THSD7B: variants seen among roughly 807,000 people sequenced by gnomAD.
The protein encoded by THSD7B is thrombospondin type 1 domain containing 7B.
In THSD7B, 138 loss-of-function variants were observed where a neutral mutation model predicts 213.6. The observed-to-expected ratio is 0.65, with a 90% CI of 0.56 to 0.74. The LOEUF (loss-of-function observed/expected upper bound fraction) is 0.74. Among genes scored for constraint, THSD7B ranks in the 30% least tolerant of loss-of-function variants. The pLI is 0.00. For synonymous variants in THSD7B, 742 were observed against 687.0 expected, an observed-to-expected ratio of 1.08 and a Z score of -1.25; for missense variants, 1,931 against 1,991.5, an observed-to-expected ratio of 0.97 and a Z score of 0.58.
chr2:137,636,024 G>A (rs1055587464), intron 20 of THSD7B, among the ~76,000 whole-genome samples: 1 of 152,078 alleles, frequency 6.6e-6, no homozygotes, highest in African/African-American at 2.4e-5. Flanking sequence ...CTTTTATACA[G>A]TATTTTTTAT....
In THSD7B at chr2:137,411,652, C is replaced by T. The variant is rs776099234; in HGVS notation, c.2739C>T (p.Tyr913=). Residue 913 remains tyrosine, a synonymous_variant, in exon 14 of 28, where the codon TAC becomes TAT. Coordinates refer to ENST00000409968, the MANE Select transcript of THSD7B (RefSeq NM_001316349.2). Reference sequence around the variant, plus strand: ...AGAAATGCCAGGATTCTGACCTTTACCCTCTAGTGGAGACAGAACTATGTC... The same window carrying T: ...AGAAATGCCAGGATTCTGACCTTTATCCTCTAGTGGAGACAGAACTATGTC... ...KKEKCQDSDL[Y]PLVETELCPC... The T allele has an allele frequency of 5.0e-6, 8 of 1,613,916 alleles. No homozygotes were observed. The highest frequency in any genetic ancestry group is 6.8e-6 in the Non-Finnish European group (8 of 1,179,828).
intron 2 of THSD7B, among the ~76,000 whole-genome samples, chr2:137,019,893 G>A (rs1686411387): frequency 6.6e-6 from 1 of 152,084 alleles, no homozygotes; most frequent in Admixed American, 6.6e-5. Context: ...TTGACTACTG[G>A]CTCTGATAGT....
At chr2:137,386,079 G>A (rs1185010771) in intron 12 of THSD7B, among the ~76,000 whole-genome samples, 1 of 152,152 alleles carries the variant, frequency 6.6e-6, no homozygotes, top group African/African-American at 2.4e-5. Flanking sequence ...GCATGAGCAG[G>A]AAACAAGTCT....
chr2:137,244,563 A>G (rs10207592), intron 10 of THSD7B, among the ~76,000 whole-genome samples: 42,546 of 152,098 alleles, frequency 0.28, 7,145 homozygotes, highest in South Asian at 0.47. Context: ...CATGTAAAGT[A>G]ATTGTTCCTC....
In THSD7B at chr2:136,930,360, A is replaced by G. The variant is rs1232621283; in HGVS notation, c.139+48043A>G. Among the ~76,000 whole-genome samples, 3 of 152,218 alleles carry G rather than the reference A, an allele frequency of 2.0e-5. No homozygotes were observed. The East Asian group carries it at 5.8e-4, about 29-fold the overall frequency. ...CCTAGAGGAGAATAACTGTGGCATGATCAGAGACTGTTAAGTATCCCAGAA... is the reference window on the plus strand; with the variant it reads ...CCTAGAGGAGAATAACTGTGGCATGGTCAGAGACTGTTAAGTATCCCAGAA... On this transcript the variant is annotated intron_variant, in intron 2 of 27. Transcript: ENST00000409968.
At chr2:136,957,917 G>C (rs16837666) in intron 2 of THSD7B, among the ~76,000 whole-genome samples, 11,279 of 152,174 alleles carry the variant, frequency 0.074, 675 homozygotes, top group African/African-American at 0.16. Flanking sequence ...TGCTGCCTAT[G>C]TAAATCAGGA....
chr2:137,232,327 G>C (rs369494544), intron 8 of THSD7B, among the ~76,000 whole-genome samples: 6 of 152,178 alleles, frequency 3.9e-5, no homozygotes, highest in African/African-American at 1.2e-4. Context: ...TATTATTTCA[G>C]AGTTTAAGGA....
At chr2:137,233,257 C>T (rs938725257) in intron 9 of THSD7B, 124 bp downstream of exon 9, 9 of 861,282 alleles carry the variant, frequency 1.0e-5, no homozygotes, top group Non-Finnish European at 1.2e-5. Context: ...TTTGTTGTTG[C>T]TGTTTGACCA....
intron 7 of THSD7B, among the ~76,000 whole-genome samples, chr2:137,202,796 T>G (rs1252180513): frequency 2.6e-5 from 4 of 152,140 alleles, no homozygotes; most frequent in African/African-American, 9.7e-5. Flanking sequence ...ATTACATCTC[T>G]CTGGGATCTC....
chr2:137,174,195 T>A (rs1182890733), intron 7 of THSD7B, among the ~76,000 whole-genome samples: 1 of 152,208 alleles, frequency 6.6e-6, no homozygotes, highest in Non-Finnish European at 1.5e-5. Flanking sequence ...CTTCTAGATA[T>A]CCTGCATATA....
chr2:137,229,603 G>A (rs1681593070), intron 7 of THSD7B, among the ~76,000 whole-genome samples: 1 of 152,148 alleles, frequency 6.6e-6, no homozygotes. Flanking sequence ...CTGTCAGCTT[G>A]TTTTATTGAC....
intron 15 of THSD7B, among the ~76,000 whole-genome samples, chr2:137,498,307 C>A (rs556683109): frequency 2.0e-5 from 3 of 150,032 alleles, no homozygotes; most frequent in South Asian, 4.2e-4. Context: ...GTCAGTATAT[C>A]ACATCTCTGT....
At chr2:137,035,440 G>A (rs1349954144) in intron 2 of THSD7B, among the ~76,000 whole-genome samples, 3 of 152,122 alleles carry the variant, frequency 2.0e-5, no homozygotes, top group Admixed American at 6.6e-5. Context: ...GATGGCCAGG[G>A]TGAGGTTCTA....
At chr2:136,773,820 G>A (rs1681553324) in intron 1 of THSD7B, among the ~76,000 whole-genome samples, 1 of 151,356 alleles carries the variant, frequency 6.6e-6, no homozygotes. Flanking sequence ...GTACATAGTA[G>A]TCTTTGTGTA....
chr2:137,027,151 G>A (rs1686570537), intron 2 of THSD7B, among the ~76,000 whole-genome samples: 1 of 152,106 alleles, frequency 6.6e-6, no homozygotes, highest in Non-Finnish European at 1.5e-5. Flanking sequence ...TACATTAATG[G>A]TGGCACCAAA....
At chr2:136,808,271 A>G (rs2361179) in intron 1 of THSD7B, among the ~76,000 whole-genome samples, 16,438 of 152,276 alleles carry the variant, frequency 0.11, 1,016 homozygotes, top group South Asian at 0.2. Context: ...AGTCATTTCC[A>G]AAGTTACTTA....
intron 20 of THSD7B, among the ~76,000 whole-genome samples, chr2:137,624,540 T>C (rs1212496924): frequency 1.3e-5 from 2 of 152,120 alleles, no homozygotes; most frequent in Non-Finnish European, 2.9e-5. Context: ...ACAGGCAACC[T>C]ACAGAATGGG....
At chr2:136,851,933 C>CTATATATATATATATATATATA (rs35929047) in intron 1 of THSD7B, among the ~76,000 whole-genome samples, 1 of 148,048 alleles carries the variant, frequency 6.8e-6, no homozygotes, top group African/African-American at 2.5e-5. Flanking sequence ...CAATACACAA[C>CTATATATATATATATATATATA]TATATATATA....
intron 1 of THSD7B, among the ~76,000 whole-genome samples, chr2:136,861,175 G>A (rs1317107699): frequency 1.3e-5 from 2 of 152,186 alleles, no homozygotes; most frequent in Admixed American, 1.3e-4. Flanking sequence ...GAATAAGTGA[G>A]ATGAACCTAT....
Sources: allele counts gnomAD v4.1 joint callset (sites outside exome capture counted in the v4.1 genomes callset), GRCh38; gene constraint gnomAD v4.1.1; transcripts MANE v1.5; gene names NCBI Gene and HGNC (gene_info 2026-07-23, HGNC 2026-07-21).